Variants in SV2C observed in about 807,000 individuals in gnomAD.
SV2C encodes synaptic vesicle glycoprotein 2C.
Under a neutral mutation model 79.7 loss-of-function variants are expected in SV2C, and 49 were observed. That is an observed-to-expected ratio of 0.61 (90% CI 0.49 to 0.78). The LOEUF is 0.78. Ranked by LOEUF, SV2C falls within the 30% of genes least tolerant of loss-of-function variation. The pLI is 0.00. For synonymous variants in SV2C, 334 were observed against 333.2 expected (o/e 1.00, Z -0.03); for missense variants, 833 against 912.9 (o/e 0.91, Z 1.13).
chr5:76,159,480 T>G (rs2112245731), intron 2 of SV2C, among the ~76,000 whole-genome samples: 1 of 152,224 alleles, frequency 6.6e-6, no homozygotes, highest in South Asian at 2.1e-4. Context: ...ACTGGGTAAC[T>G]TAAAACAACA....
chr5:75,862,931 G>A, the SV2C span, among the ~76,000 whole-genome samples: 1 of 152,146 alleles, frequency 6.6e-6, no homozygotes, highest in Admixed American at 6.5e-5. Context: ...GGTTGGCTTC[G>A]GGAATCACGG....
the SV2C span, among the ~76,000 whole-genome samples, chr5:76,041,439 G>A: frequency 6.6e-6 from 1 of 152,096 alleles, no homozygotes; most frequent in Non-Finnish European, 1.5e-5. Flanking sequence ...CCTTAGGCCT[G>A]CACATCCCTG....
chr5:76,304,516 C>T lies in SV2C; in HGVS notation c.2000+2971C>T, dbSNP rs535467088. Among the ~76,000 whole-genome samples the T allele has an allele frequency of 3.9e-4, 60 of 152,330 alleles. 1 individual carries two copies. In the South Asian group the frequency reaches 0.012, roughly 32 times the overall value. On this transcript the variant is annotated intron_variant, in intron 12 of 12. Transcript: ENST00000502798. ...AGAACACAAAAATTCTGGCTAGAGG[C>T]TTTACTTCATTCTCTTGTGTTGCTC...
chr5:76,071,373 T>A, the SV2C span, among the ~76,000 whole-genome samples: 1 of 152,142 alleles, frequency 6.6e-6, no homozygotes, highest in African/African-American at 2.4e-5. Context: ...TGGGCACAAA[T>A]TGCATTATGG....
the SV2C span, among the ~76,000 whole-genome samples, chr5:76,048,289 G>A: frequency 1.2e-4 from 19 of 152,292 alleles, no homozygotes; most frequent in African/African-American, 4.3e-4. Context: ...TGAGAACCAA[G>A]AGCACCGATG....
the SV2C span, among the ~76,000 whole-genome samples, chr5:76,043,302 A>G: frequency 6.6e-6 from 1 of 152,192 alleles, no homozygotes; most frequent in African/African-American, 2.4e-5. Context: ...TGTGTGACCA[A>G]TAACATATGG....
the SV2C span, among the ~76,000 whole-genome samples, chr5:75,939,726 A>G: frequency 2.6e-5 from 4 of 152,130 alleles, no homozygotes; most frequent in African/African-American, 9.7e-5. Context: ...ACATGACTTG[A>G]AATGCAGTTG....
At chr5:75,935,252 T>G in the SV2C span, among the ~76,000 whole-genome samples, 1 of 152,202 alleles carries the variant, frequency 6.6e-6, no homozygotes, top group African/African-American at 2.4e-5. Flanking sequence ...CCCATTAGGC[T>G]GGTAAAGATT....
downstream of SV2C, among the ~76,000 whole-genome samples, chr5:76,338,526 G>T (rs1294463851): frequency 6.6e-6 from 1 of 152,202 alleles, no homozygotes; most frequent in African/African-American, 2.4e-5. Flanking sequence ...GCAAACATTG[G>T]ACATATCCCA....
intron 2 of SV2C, among the ~76,000 whole-genome samples, chr5:76,156,101 A>G (rs545167599): frequency 1.3e-5 from 2 of 152,234 alleles, no homozygotes; most frequent in African/African-American, 4.8e-5. Context: ...CTGGAGTCAG[A>G]GTGAATCTTA....
At chr5:75,878,125 G>A in the SV2C span, among the ~76,000 whole-genome samples, 1 of 152,052 alleles carries the variant, frequency 6.6e-6, no homozygotes, top group Non-Finnish European at 1.5e-5. Flanking sequence ...TGTTTTTAAA[G>A]AATATTTAAT....
the SV2C span, among the ~76,000 whole-genome samples, chr5:75,992,351 C>G: frequency 6.6e-6 from 1 of 151,952 alleles, no homozygotes; most frequent in Admixed American, 6.6e-5. Flanking sequence ...ATATCTGTAT[C>G]TACATCTATA....
At chr5:76,336,375 G>A (rs1749325562), downstream of SV2C, among the ~76,000 whole-genome samples, 1 of 151,716 alleles carries the variant, frequency 6.6e-6, no homozygotes, top group South Asian at 2.1e-4. Context: ...TAGATGGGAT[G>A]GCGGCCTGGC....
At chr5:76,134,123 ACCCACCCCCAGGTG>A (rs1748991149) in intron 2 of SV2C, among the ~76,000 whole-genome samples, 1 of 152,088 alleles carries the variant, frequency 6.6e-6, no homozygotes, top group African/African-American at 2.4e-5. Context: ...TGGTGATGTT[ACCCACCCCCAGGTG>A]GCATTTAGAA....
chr5:76,208,724 G>A (rs1371476134), intron 3 of SV2C, among the ~76,000 whole-genome samples: 3 of 152,150 alleles, frequency 2.0e-5, no homozygotes. Flanking sequence ...ATGAATCAGT[G>A]CACACTTCCT....
chr5:76,249,721 T>A (rs1025496197), intron 4 of SV2C, among the ~76,000 whole-genome samples: 2 of 152,216 alleles, frequency 1.3e-5, no homozygotes, highest in Non-Finnish European at 2.9e-5. Context: ...GAGGATATCA[T>A]TGCCTCCCTC....
intron 4 of SV2C, among the ~76,000 whole-genome samples, chr5:76,211,592 C>T (rs187750119): frequency 2.2e-4 from 34 of 152,308 alleles, no homozygotes; most frequent in Admixed American, 1.3e-3. Context: ...TTCAGAAACT[C>T]ACTCTCTGCT....
chr5:76,303,486 A>G (rs540420680), intron 12 of SV2C, among the ~76,000 whole-genome samples: 30 of 152,280 alleles, frequency 2.0e-4, no homozygotes, highest in Admixed American at 6.5e-4. Flanking sequence ...AAAATAAAAT[A>G]ACCTCCTCAA....
chr5:75,910,579 T>C, the SV2C span: 1 of 701,030 alleles, frequency 1.4e-6, no homozygotes, highest in Non-Finnish European at 2.6e-6. Context: ...TCAGTGAGAT[T>C]GAGGAGAGAA....
Sources: allele counts gnomAD v4.1 joint callset (sites outside exome capture counted in the v4.1 genomes callset), GRCh38; gene constraint gnomAD v4.1.1; transcripts MANE v1.5; gene names NCBI Gene and HGNC (gene_info 2026-07-23, HGNC 2026-07-21).